MAP3K19: variants seen among roughly 807,000 people sequenced by gnomAD.
The protein encoded by MAP3K19 is mitogen-activated protein kinase kinase kinase 19, also known as SPS1/STE20-related protein kinase YSK4.
A neutral mutation model predicts 114.4 loss-of-function variants in MAP3K19; 91 were observed. That is an observed-to-expected ratio of 0.80 (90% CI 0.67 to 0.95). MAP3K19 has a LOEUF of 0.95. Among genes scored for constraint, MAP3K19 ranks in the 40% least tolerant of loss-of-function variants. The probability of loss-of-function intolerance (pLI) is 0.00; values close to 1 mark genes in which losing one functional copy is unlikely to be tolerated. For missense variants in MAP3K19, 1,471 were observed against 1,573.2 expected, an observed-to-expected ratio of 0.94 and a Z score of 1.10; for synonymous variants, 518 against 530.5, an observed-to-expected ratio of 0.98 and a Z score of 0.32.
chr2:135,032,356 GAAAA>G (rs760579264), intron 2 of MAP3K19, among the ~76,000 whole-genome samples: 6 of 72,208 alleles, frequency 8.3e-5, no homozygotes, highest in South Asian at 5.6e-4. Context: ...GACTCTGTCT[GAAAA>G]AAAAAAAAAA....
At chr2:135,029,906 G>A (rs1414675416) in intron 3 of MAP3K19, among the ~76,000 whole-genome samples, 2 of 152,242 alleles carry the variant, frequency 1.3e-5, no homozygotes, top group Non-Finnish European at 2.9e-5. Context: ...GCAAGGCATA[G>A]GCTCTCAGAT....
chr2:135,043,981 T>C (rs1688693161), intron 1 of MAP3K19, among the ~76,000 whole-genome samples: 1 of 152,362 alleles, frequency 6.6e-6, no homozygotes, highest in South Asian at 2.1e-4. Flanking sequence ...AGATATTAGT[T>C]TCCCCTTCAA....
intron 3 of MAP3K19, among the ~76,000 whole-genome samples, chr2:135,027,898 AT>A (rs1256175266): frequency 4.6e-5 from 7 of 152,354 alleles, no homozygotes; most frequent in African/African-American, 1.4e-4. Context: ...TAAGGTGGTT[AT>A]TTAACTTCCC....
chr2:135,006,307 A>G (rs952456116), intron 5 of MAP3K19, among the ~76,000 whole-genome samples: 2 of 152,214 alleles, frequency 1.3e-5, no homozygotes, highest in African/African-American at 2.4e-5. Flanking sequence ...TGTTACAACT[A>G]TCTGTCTGGT....
intron 8 of MAP3K19, among the ~76,000 whole-genome samples, chr2:134,993,994 A>G (rs1038566059): frequency 6.6e-6 from 1 of 152,208 alleles, no homozygotes; most frequent in African/African-American, 2.4e-5. Context: ...TGGGCAACAG[A>G]GCGAGACCCT....
intron 4 of MAP3K19, chr2:135,023,454 A>G (rs1163162822): frequency 3.8e-6 from 2 of 533,206 alleles, no homozygotes; most frequent in Non-Finnish European, 7.7e-6. Flanking sequence ...CTCCCAAACT[A>G]ACCTTTCAAC....
intron 11 of MAP3K19, 36 bp from the exon 12 acceptor site, chr2:134,981,554 A>G: frequency 6.7e-7 from 1 of 1,488,814 alleles, no homozygotes; most frequent in Non-Finnish European, 9.2e-7. Context: ...TTATTAAATT[A>G]ATGACATAAC....
intron 6 of MAP3K19, among the ~76,000 whole-genome samples, chr2:135,004,445 A>C (rs186919059): frequency 1.2e-3 from 178 of 152,250 alleles, no homozygotes; most frequent in Non-Finnish European, 2.1e-3. Flanking sequence ...GCAGCATCGC[A>C]CCACCTCCCG....
At chr2:134,965,863 CT>C (rs1683303089) in intron 12 of MAP3K19, among the ~76,000 whole-genome samples, 1 of 152,164 alleles carries the variant, frequency 6.6e-6, no homozygotes, top group South Asian at 2.1e-4. Flanking sequence ...TAACCAACCT[CT>C]TTTTATCCTC....
chr2:135,043,076 C>A (rs1402861518), intron 1 of MAP3K19, among the ~76,000 whole-genome samples: 1 of 152,042 alleles, frequency 6.6e-6, no homozygotes, highest in African/African-American at 2.4e-5. Context: ...GAGCGAGACT[C>A]CATCTCAAAA....
chr2:134,975,275 G>A (rs1684156543), intron 12 of MAP3K19, among the ~76,000 whole-genome samples: 1 of 152,174 alleles, frequency 6.6e-6, no homozygotes, highest in Non-Finnish European at 1.5e-5. Flanking sequence ...ATGGGCAATG[G>A]CAATAGTGGT....
At chr2:135,029,916 T>C (rs1383025350) in intron 3 of MAP3K19, among the ~76,000 whole-genome samples, 2 of 152,254 alleles carry the variant, frequency 1.3e-5, no homozygotes, top group Non-Finnish European at 1.5e-5. Flanking sequence ...GGCTCTCAGA[T>C]TCCTTTTTCA....
intron 5 of MAP3K19, among the ~76,000 whole-genome samples, chr2:135,021,307 G>A (rs1558737281): frequency 6.6e-6 from 1 of 152,184 alleles, no homozygotes; most frequent in Admixed American, 6.6e-5. Context: ...GTGAGCATAT[G>A]AGAGGTTGGC....
intron 5 of MAP3K19, among the ~76,000 whole-genome samples, chr2:135,012,618 G>A (rs757914743): frequency 3.3e-5 from 5 of 151,874 alleles, no homozygotes; most frequent in Non-Finnish European, 5.9e-5. Context: ...AACAGTCACC[G>A]TTTTCCTCAG....
intron 1 of MAP3K19, among the ~76,000 whole-genome samples, chr2:135,043,926 T>A (rs1050778007): frequency 6.6e-6 from 1 of 152,262 alleles, no homozygotes; most frequent in African/African-American, 2.4e-5. Flanking sequence ...AATTGACATT[T>A]ATCATTACTA....
In MAP3K19 at chr2:135,005,503, T is replaced by C; in HGVS notation, c.167A>G (p.His56Arg). The change falls in exon 6 of 13, where the codon CAT (histidine) becomes CGT (arginine). Residue 56 changes from histidine (H) to arginine (R), a missense_variant. His to Arg is a conservative substitution (Grantham distance 29). Transcript: ENST00000392915. ...EEFDQDGDCSHSTLVNEEEDP... is the reference protein window; with the variant it reads ...EEFDQDGDCSRSTLVNEEEDP... ...TTCTTCTTCATTAACCAGTGTGGAA[T>C]GACTGCAGTCACCATCTTGGTCGAA... 6.2e-7 allele frequency: 1 copy of C among 1,614,148 alleles called. No individual in the cohort carries two copies. Among genetic ancestry groups the C allele is most frequent in the Non-Finnish European group, 8.5e-7 (1 of 1,179,978 alleles).
At chr2:135,026,713 A>G (rs928010656) in intron 3 of MAP3K19, among the ~76,000 whole-genome samples, 1 of 152,216 alleles carries the variant, frequency 6.6e-6, no homozygotes, top group Non-Finnish European at 1.5e-5. Context: ...ATTTTAAGAT[A>G]ACTTGAAAAC....
intron 8 of MAP3K19, 50 bp from the exon 9 acceptor site, chr2:134,991,630 C>G (rs746956297): frequency 2.0e-6 from 3 of 1,479,702 alleles, no homozygotes; most frequent in African/African-American, 2.8e-5. Flanking sequence ...AGAAAGAAAA[C>G]AGTCTCAAGC....
At chr2:134,971,827 G>A (rs768668268) in intron 12 of MAP3K19, among the ~76,000 whole-genome samples, 2 of 150,204 alleles carry the variant, frequency 1.3e-5, no homozygotes, top group Non-Finnish European at 3.0e-5. Flanking sequence ...AGTCTAGCTA[G>A]CAGTTTATTG....
Sources: gnomAD v4.1 joint callset for allele counts (sites outside exome capture counted in the v4.1 genomes callset) on GRCh38, gnomAD v4.1.1 for gene constraint, MANE v1.5 for transcripts, NCBI Gene and HGNC (gene_info 2026-07-23, HGNC 2026-07-21) for gene names.